The following NCAM2 variants were observed in gnomAD, a reference collection of about 807,000 sequenced individuals.
The protein encoded by NCAM2 is neural cell adhesion molecule 2.
In NCAM2, 30 loss-of-function variants were observed where a neutral mutation model predicts 98.1. The ratio of observed to expected loss-of-function variants is 0.31; its 90% CI spans 0.23 to 0.41. The LOEUF is 0.41. Among genes scored for constraint, NCAM2 ranks in the 10% least tolerant of loss-of-function variants. The probability of loss-of-function intolerance (pLI) is 1.00; values close to 1 mark genes in which losing one functional copy is unlikely to be tolerated. For synonymous variants in NCAM2, 368 were observed against 342.4 expected (o/e 1.07, Z -0.83); for missense variants, 867 against 1,005.8 (o/e 0.86, Z 1.87).
chr21:21,364,948 A>G (rs1304602813), intron 8 of NCAM2, among the ~76,000 whole-genome samples: 3 of 152,128 alleles, frequency 2.0e-5, no homozygotes, highest in African/African-American at 7.2e-5. Flanking sequence ...TGGGCAGCAC[A>G]TTGATCCCCA....
chr21:21,375,758 C>G (rs990633782), intron 9 of NCAM2, among the ~76,000 whole-genome samples: 5 of 150,772 alleles, frequency 3.3e-5, no homozygotes, highest in Non-Finnish European at 7.4e-5. Flanking sequence ...AAAAAAAAAA[C>G]TTAAGCATGC....
chr21:21,468,946 AT>A (rs892857710), intron 14 of NCAM2, among the ~76,000 whole-genome samples, 163 bp downstream of exon 14: 70 of 151,388 alleles, frequency 4.6e-4, no homozygotes, highest in African/African-American at 1.6e-3. Context: ...ATTTTTTTTT[AT>A]TTTTTTTGTA....
chr21:21,150,005 C>T (rs546863329), intron 1 of NCAM2, among the ~76,000 whole-genome samples: 9 of 152,196 alleles, frequency 5.9e-5, no homozygotes, highest in Non-Finnish European at 1.0e-4. Context: ...TTTTCCACAA[C>T]GGTTGAACTA....
At chr21:21,249,326 T>C (rs1400830707) in intron 1 of NCAM2, among the ~76,000 whole-genome samples, 1 of 152,158 alleles carries the variant, frequency 6.6e-6, no homozygotes, top group Admixed American at 6.5e-5. Flanking sequence ...AGTTACTACA[T>C]TGCATACAAT....
chr21:21,248,602 C>A (rs1444158322), intron 1 of NCAM2, among the ~76,000 whole-genome samples: 3 of 151,530 alleles, frequency 2.0e-5, no homozygotes, highest in African/African-American at 7.3e-5. Flanking sequence ...CAGTGAAACC[C>A]CGTCTTTACT....
chr21:21,380,093 C>G (rs1380743911), intron 9 of NCAM2, among the ~76,000 whole-genome samples: 1 of 152,118 alleles, frequency 6.6e-6, no homozygotes, highest in African/African-American at 2.4e-5. Context: ...GTGGGTCTGC[C>G]TTTTCCAGTC....
chr21:21,231,440 TAAATA>T (rs1298646334), intron 1 of NCAM2, among the ~76,000 whole-genome samples: 3 of 151,272 alleles, frequency 2.0e-5, no homozygotes, highest in Non-Finnish European at 4.4e-5. Flanking sequence ...AATATAAAAT[TAAATA>T]TAACTGCCAA....
chr21:21,400,635 G>A (rs752859371), intron 9 of NCAM2, among the ~76,000 whole-genome samples: 31 of 149,974 alleles, frequency 2.1e-4, no homozygotes, highest in Non-Finnish European at 4.3e-4. Flanking sequence ...GCCCAGGCTG[G>A]AGTGCACTGA....
chr21:21,457,729 T>A (rs1477141390), intron 12 of NCAM2, among the ~76,000 whole-genome samples: 2 of 152,094 alleles, frequency 1.3e-5, no homozygotes, highest in African/African-American at 2.4e-5. Context: ...TGTGATGGAA[T>A]CAGATATTCG....
At chr21:21,271,963 C>G in intron 1 of NCAM2, among the ~76,000 whole-genome samples, 1 of 152,046 alleles carries the variant, frequency 6.6e-6, no homozygotes, top group East Asian at 1.9e-4. Flanking sequence ...TTAATGGGTG[C>G]AGCACACCAA....
chr21:21,438,035 T>G lies in NCAM2; in HGVS notation c.1654+5754T>G, dbSNP rs1426469677. Reference sequence around the variant, plus strand: ...TTCTATGTAAGCACAATTATACTCATTCTCTGAAGCATTTGTTAGAAGATA... The same window carrying G: ...TTCTATGTAAGCACAATTATACTCAGTCTCTGAAGCATTTGTTAGAAGATA... On this transcript the variant is annotated intron_variant, in intron 12 of 17. Coordinates refer to ENST00000400546, the MANE Select transcript of NCAM2 (RefSeq NM_004540.5). 3.9e-5 allele frequency among the ~76,000 whole-genome samples: 6 copies of G among 152,162 alleles called. No individual in the cohort carries two copies. In the East Asian group the frequency reaches 9.6e-4, roughly 24 times the overall value.
At chr21:21,258,443 G>C (rs941269918) in intron 1 of NCAM2, among the ~76,000 whole-genome samples, 2 of 152,166 alleles carry the variant, frequency 1.3e-5, no homozygotes, top group East Asian at 3.9e-4. Context: ...AAAGCAGAGA[G>C]AGTCTGGTAG....
At position 21,373,921 on chromosome 21, in the gene NCAM2, A is replaced by T. The variant is rs1339714684; in HGVS notation, c.1103A>T (p.Lys368Ile). 6.2e-7 allele frequency: 1 copy of T among 1,611,220 alleles called. No homozygotes were observed. The highest frequency in any genetic ancestry group is 8.5e-7 in the Non-Finnish European group (1 of 1,178,294). ...GQHGSSSLHI[K>I]DVKLSDSGRY... ...CATGGAAGCTCATCACTGCATATTA[A>T]AGATGTGAAGTTGTCAGATTCAGGG... Residue 368 changes from lysine to isoleucine, a missense_variant, in exon 9 of 18, where the codon AAA (lysine) becomes ATA (isoleucine). Physicochemically the swap from Lys to Ile is moderately radical, Grantham distance 102. Coordinates refer to ENST00000400546, the MANE Select transcript of NCAM2 (RefSeq NM_004540.5).
chr21:21,298,121 A>G (rs2073559355), intron 5 of NCAM2, among the ~76,000 whole-genome samples: 1 of 151,748 alleles, frequency 6.6e-6, no homozygotes. Flanking sequence ...TATTTCTTGC[A>G]ATTTCTTGAA....
At chr21:21,286,515 C>A in intron 4 of NCAM2, 103 bp downstream of exon 4, 2 of 1,258,998 alleles carry the variant, frequency 1.6e-6, no homozygotes, top group Non-Finnish European at 2.2e-6. Context: ...ATTTTTGACC[C>A]CAAATATTCA....
Position 21,324,480 on chromosome 21 carries a change from A to G in NCAM2, c.717A>G (p.Glu239=). The G allele has an allele frequency of 6.2e-7, 1 of 1,611,980 alleles. No individual in the cohort carries two copies. Among genetic ancestry groups the G allele is most frequent in the Non-Finnish European group, 8.5e-7 (1 of 1,178,310 alleles). The change falls in exon 6 of 18, where the codon GAA becomes GAG. Residue 239 remains glutamate (E), a synonymous_variant. Transcript: ENST00000400546. The part of the protein sequence containing the change: ...TFSCRASGSP[E]PAISWFRNGK... ...CCTGCAGGGCCTCAGGCTCTCCAGA[A>G]CCCGCCATCTCCTGGTTCAGGTAGG...
At chr21:21,459,149 T>A (rs943872458) in intron 12 of NCAM2, among the ~76,000 whole-genome samples, 4 of 151,864 alleles carry the variant, frequency 2.6e-5, no homozygotes, top group Admixed American at 6.6e-5. Flanking sequence ...CATTGAGATA[T>A]CAACTCACAC....
chr21:21,073,296 G>T (rs1478145415), intron 1 of NCAM2, among the ~76,000 whole-genome samples: 6 of 151,990 alleles, frequency 3.9e-5, no homozygotes, highest in Non-Finnish European at 7.4e-5. Flanking sequence ...TTCTACCACT[G>T]AAAACACTAA....
intron 5 of NCAM2, among the ~76,000 whole-genome samples, chr21:21,297,542 C>T (rs138663718): frequency 3.7e-4 from 56 of 151,740 alleles, no homozygotes; most frequent in Non-Finnish European, 6.9e-4. Context: ...AATTGATTGG[C>T]TACCTTTTCC....
Sources: allele counts gnomAD v4.1 joint callset (sites outside exome capture counted in the v4.1 genomes callset), GRCh38; gene constraint gnomAD v4.1.1; transcripts MANE v1.5; gene names NCBI Gene and HGNC (gene_info 2026-07-23, HGNC 2026-07-21).